Variants in DCC observed in about 807,000 individuals in gnomAD.
DCC encodes the protein netrin receptor DCC.
DCC carries 58 observed loss-of-function variants against 172.5 expected under a neutral mutation model. The observed-to-expected ratio is 0.34, with a 90% confidence interval of 0.27 to 0.42. The LOEUF (loss-of-function observed/expected upper bound fraction) is 0.42. Among genes scored for constraint, DCC ranks in the 10% least tolerant of loss-of-function variants. The probability of loss-of-function intolerance (pLI) is 1.00; values close to 1 mark genes in which losing one functional copy is unlikely to be tolerated. For missense variants in DCC, 1,740 were observed against 1,791.0 expected, an observed-to-expected ratio of 0.97 and a Z score of 0.51; for synonymous variants, 709 against 644.5, an observed-to-expected ratio of 1.10 and a Z score of -1.52.
intron 22 of DCC, among the ~76,000 whole-genome samples, chr18:53,449,789 A>G (rs1332457580): frequency 6.6e-6 from 1 of 152,092 alleles, no homozygotes; most frequent in East Asian, 1.9e-4. Flanking sequence ...AAAATGTACA[A>G]TTCAGCGGTG....
chr18:52,388,507 C>CTT (rs148032381), intron 1 of DCC, among the ~76,000 whole-genome samples: 2 of 149,088 alleles, frequency 1.3e-5, no homozygotes, highest in African/African-American at 4.9e-5. Flanking sequence ...ATAAGTGCCA[C>CTT]TTTTTTTTTT....
At position 52,440,936 on chromosome 18, in the gene DCC, A is replaced by G. The variant is rs76265352; in HGVS notation, c.91+100058A>G. 2.4e-3 allele frequency among the ~76,000 whole-genome samples: 372 copies of G among 152,348 alleles called. 5 individuals are homozygous for G. The highest frequency in any genetic ancestry group is 8.6e-3 in the African/African-American group (357 of 41,578). On this transcript the variant is annotated intron_variant, in intron 1 of 28. Transcript: ENST00000442544. ...AAGGTACAAGTAATTTCATAGTGCAATGGAAATCTACTTTGAATAGACTAC... is the reference window on the plus strand; with the variant it reads ...AAGGTACAAGTAATTTCATAGTGCAGTGGAAATCTACTTTGAATAGACTAC...
intron 1 of DCC, among the ~76,000 whole-genome samples, chr18:52,606,543 A>T (rs1186285885): frequency 6.6e-6 from 1 of 151,998 alleles, no homozygotes; most frequent in Non-Finnish European, 1.5e-5. Context: ...AGGAAACATG[A>T]AGGGATATTT....
At chr18:53,439,233 G>GA (rs139118497) in intron 22 of DCC, among the ~76,000 whole-genome samples, 5,313 of 152,260 alleles carry the variant, frequency 0.035, 334 homozygotes, top group African/African-American at 0.12. Context: ...AAAGGCATCT[G>GA]AAAACCTCAG....
chr18:53,293,157 C>G (rs2057025262), intron 12 of DCC, among the ~76,000 whole-genome samples: 1 of 152,160 alleles, frequency 6.6e-6, no homozygotes, highest in South Asian at 2.1e-4. Flanking sequence ...TCTACTGTCA[C>G]TTAGCAAATT....
intron 16 of DCC, among the ~76,000 whole-genome samples, chr18:53,387,066 C>T (rs915348629): frequency 7.2e-5 from 11 of 152,182 alleles, no homozygotes; most frequent in African/African-American, 1.2e-4. Flanking sequence ...TTAACGAAAA[C>T]AGAGGATCTG....
At chr18:53,446,756 A>G (rs914181150) in intron 22 of DCC, among the ~76,000 whole-genome samples, 2 of 152,164 alleles carry the variant, frequency 1.3e-5, no homozygotes, top group African/African-American at 4.8e-5. Context: ...CTAAGACAGA[A>G]AAAAAGGTAC....
At chr18:53,401,680 C>G (rs1206687304) in intron 18 of DCC, among the ~76,000 whole-genome samples, 1 of 152,104 alleles carries the variant, frequency 6.6e-6, no homozygotes. Context: ...TACTCCAGAT[C>G]CCAAACACGG....
intron 24 of DCC, among the ~76,000 whole-genome samples, chr18:53,467,143 A>G (rs1266382931): frequency 6.6e-6 from 1 of 152,102 alleles, no homozygotes; most frequent in Non-Finnish European, 1.5e-5. Context: ...GTATAACCTT[A>G]TTACATAGAT....
chr18:53,026,445 G>T (rs919403795), intron 5 of DCC, among the ~76,000 whole-genome samples: 9 of 152,084 alleles, frequency 5.9e-5, no homozygotes, highest in African/African-American at 1.9e-4. Context: ...ACATTCTAAT[G>T]GCTGGCTTTC....
intron 2 of DCC, among the ~76,000 whole-genome samples, chr18:52,882,567 G>C (rs2039502486): frequency 6.6e-6 from 1 of 151,808 alleles, no homozygotes; most frequent in African/African-American, 2.4e-5. Flanking sequence ...TGTTTGTATA[G>C]TTTCCAAAAT....
intron 26 of DCC, among the ~76,000 whole-genome samples, chr18:53,497,900 T>G (rs2144433838): frequency 6.6e-6 from 1 of 152,344 alleles, no homozygotes; most frequent in South Asian, 2.1e-4. Context: ...TTCTCTCATT[T>G]GCTGCCTTGA....
rs969305857 is a variant in DCC, at chr18:53,343,041, C to T, written c.2359+3134C>T. ...TGCTAACCTTGTATCCTAATATCTG[C>T]TAAATTTACCTATATATTCCATTAG... is the stretch of plus-strand genomic sequence containing the variant. On this transcript the variant is annotated intron_variant, in intron 15 of 28. Coordinates refer to ENST00000442544, the MANE Select transcript of DCC (RefSeq NM_005215.4). Among the ~76,000 whole-genome samples the T allele has an allele frequency of 7.9e-5, 12 of 151,416 alleles. No homozygotes were observed. The South Asian group carries it at 1.0e-3, about 13-fold the overall frequency.
chr18:52,741,048 C>T (rs1568074968), intron 1 of DCC, among the ~76,000 whole-genome samples: 2 of 152,180 alleles, frequency 1.3e-5, no homozygotes, highest in Non-Finnish European at 2.9e-5. Context: ...AGACAAAGAA[C>T]TCAGGTCTCC....
intron 2 of DCC, among the ~76,000 whole-genome samples, chr18:52,900,983 A>C (rs2039801055): frequency 6.6e-6 from 1 of 152,258 alleles, no homozygotes. Flanking sequence ...GTACTTACTA[A>C]ACAACAAAGT....
At chr18:53,025,747 A>T (rs567092140) in intron 5 of DCC, among the ~76,000 whole-genome samples, 1 of 151,572 alleles carries the variant, frequency 6.6e-6, no homozygotes, top group African/African-American at 2.4e-5. Context: ...TGGAGAATAT[A>T]AGATTAAATG....
At chr18:52,764,118 T>G (rs1236355384) in intron 2 of DCC, among the ~76,000 whole-genome samples, 1 of 152,240 alleles carries the variant, frequency 6.6e-6, no homozygotes, top group Non-Finnish European at 1.5e-5. Flanking sequence ...AACTGGTATA[T>G]TCAAGAGCAT....
chr18:53,202,422 A>G lies in DCC; in HGVS notation c.1574-2794A>G, dbSNP rs530490176. On this transcript the variant is annotated intron_variant, in intron 9 of 28. Coordinates refer to ENST00000442544, the MANE Select transcript of DCC (RefSeq NM_005215.4). ...GCCCATTGAAATAAAAGATTCACAA[A>G]AGAGAAAAATATGGACTTTTGCTTA... Among the ~76,000 whole-genome samples the G allele has an allele frequency of 4.6e-5, 7 of 152,306 alleles. No homozygotes were observed. In the East Asian group the frequency reaches 1.3e-3, roughly 29 times the overall value.
intron 12 of DCC, among the ~76,000 whole-genome samples, chr18:53,282,664 T>C (rs1279641068): frequency 2.6e-5 from 4 of 152,170 alleles, no homozygotes; most frequent in Admixed American, 2.0e-4. Flanking sequence ...ACCCTTCCTA[T>C]TATCTCTCAC....
Sources: allele counts gnomAD v4.1 joint callset (sites outside exome capture counted in the v4.1 genomes callset), GRCh38; gene constraint gnomAD v4.1.1; transcripts MANE v1.5; gene names NCBI Gene and HGNC (gene_info 2026-07-23, HGNC 2026-07-21).